The following PRR5L variants were observed in gnomAD, a reference collection of about 807,000 sequenced individuals.
PRR5L encodes the protein proline rich 5 like, also known as proline-rich protein 5-like.
PRR5L carries 21 observed loss-of-function variants against 36.4 expected under a neutral mutation model. The ratio of observed to expected loss-of-function variants is 0.58; its 90% CI spans 0.41 to 0.83. The LOEUF (loss-of-function observed/expected upper bound fraction) is 0.83. PRR5L is among the 40% of genes least tolerant of loss of function. The pLI is 0.00. For missense variants in PRR5L, 381 were observed against 473.3 expected (o/e 0.80, Z 1.81); for synonymous variants, 188 against 197.0 (o/e 0.95, Z 0.38).
At chr11:36,353,532 T>A (rs1220927796) in intron 1 of PRR5L, among the ~76,000 whole-genome samples, 2 of 152,194 alleles carry the variant, frequency 1.3e-5, no homozygotes, top group Non-Finnish European at 2.9e-5. Flanking sequence ...ACGGGTTGGA[T>A]TCTAGAGCAG....
chr11:36,371,385 G>T (rs1330999035), intron 1 of PRR5L, among the ~76,000 whole-genome samples: 1 of 152,150 alleles, frequency 6.6e-6, no homozygotes, highest in Non-Finnish European at 1.5e-5. Flanking sequence ...GTGCTGTGGT[G>T]GTATATTGAG....
At chr11:36,450,716 G>A (rs1270022585) in intron 7 of PRR5L, among the ~76,000 whole-genome samples, 1 of 152,192 alleles carries the variant, frequency 6.6e-6, no homozygotes, top group African/African-American at 2.4e-5. Context: ...TTCCAGTTCA[G>A]GGTTTTTGCC....
rs76512914 is a variant in PRR5L at position 36,451,500 on chromosome 11, A to G, written c.712+165A>G. Among the ~76,000 whole-genome samples, 544 of 152,304 alleles carry G rather than the reference A, an allele frequency of 3.6e-3. 10 individuals are homozygous for G. In the East Asian group the frequency reaches 0.039, roughly 11 times the overall value. On this transcript the variant is annotated intron_variant, in intron 8 of 8. Coordinates refer to ENST00000530639, the MANE Select transcript of PRR5L (RefSeq NM_001160167.2). ...GCAAATCCGTGCATCTTAAGCACTCACATTCCTGGCCTCTGGAGGTTGCAG... is the reference window on the plus strand; with the variant it reads ...GCAAATCCGTGCATCTTAAGCACTCGCATTCCTGGCCTCTGGAGGTTGCAG...
chr11:36,431,772 G>T, intron 4 of PRR5L, 81 bp from the exon 5 acceptor site: 1 of 1,288,350 alleles, frequency 7.8e-7, no homozygotes, highest in Non-Finnish European at 1.1e-6. Flanking sequence ...CTGTGCCCTT[G>T]CCCACTGGAA....
At chr11:36,416,809 G>A (rs371333883) in intron 3 of PRR5L, among the ~76,000 whole-genome samples, 58 of 111,310 alleles carry the variant, frequency 5.2e-4, no homozygotes, top group Admixed American at 2.2e-3. Flanking sequence ...AAGCCCCTTC[G>A]TGCCCTCCCT....
chr11:36,376,818 G>A (rs1262658102), intron 1 of PRR5L: 5 of 796,676 alleles, frequency 6.3e-6, no homozygotes, highest in Non-Finnish European at 7.6e-6. Context: ...GGCGTGGCGG[G>A]GGTAGGAGCT....
chr11:36,461,575 A>G (rs1331266638), intron 8 of PRR5L, among the ~76,000 whole-genome samples: 1 of 152,052 alleles, frequency 6.6e-6, no homozygotes, highest in Non-Finnish European at 1.5e-5. Context: ...GTGAGCTGAG[A>G]TCACACCACT....
At chr11:36,341,822 G>C (rs77239556) in intron 1 of PRR5L, among the ~76,000 whole-genome samples, 3,671 of 152,296 alleles carry the variant, frequency 0.024, 147 homozygotes, top group African/African-American at 0.084. Flanking sequence ...TGAGATGTCA[G>C]GTGGGCTTTG....
chr11:36,453,131 A>C (rs917261351), intron 8 of PRR5L, among the ~76,000 whole-genome samples: 22 of 152,204 alleles, frequency 1.4e-4, no homozygotes, highest in African/African-American at 4.6e-4. Context: ...CTGGCTGATA[A>C]GGGTCTAAAA....
intron 4 of PRR5L, among the ~76,000 whole-genome samples, chr11:36,421,059 G>A (rs540274451): frequency 1.1e-4 from 16 of 152,296 alleles, no homozygotes; most frequent in Non-Finnish European, 1.8e-4. Flanking sequence ...TCAAAGGTCA[G>A]TCTTGGCCTC....
intron 1 of PRR5L, chr11:36,379,593 A>G (rs1166417199): frequency 6.6e-6 from 1 of 152,230 alleles, no homozygotes; most frequent in East Asian, 1.9e-4. Flanking sequence ...AAATATAGGA[A>G]TAAAATATTT....
chr11:36,311,697 GGCTTT>G (rs1856504899), intron 1 of PRR5L, among the ~76,000 whole-genome samples: 1 of 152,098 alleles, frequency 6.6e-6, no homozygotes, highest in Non-Finnish European at 1.5e-5. Context: ...TTCACACAGG[GGCTTT>G]TGCTGAATGT....
chr11:36,351,675 T>TTATATAAA (rs1856972023), intron 1 of PRR5L, among the ~76,000 whole-genome samples: 9 of 1,556 alleles, frequency 5.8e-3, no homozygotes, highest in Admixed American at 0.021. Context: ...ATTTATATAC[T>TTATATAAA]TATATATTTA....
At chr11:36,432,811 T>C (rs1858529080) in intron 5 of PRR5L, among the ~76,000 whole-genome samples, 1 of 152,150 alleles carries the variant, frequency 6.6e-6, no homozygotes, top group Admixed American at 6.5e-5. Context: ...CATCCTTTTG[T>C]TTCTTCCCAT....
Position 36,310,995 on chromosome 11 carries a change from C to CAAAAA in PRR5L, c.-126+14574_-126+14578dup, listed in dbSNP as rs59947428. Among the ~76,000 whole-genome samples the CAAAAA allele has an allele frequency of 3.5e-3, 308 of 88,314 alleles. 7 individuals carry two copies. The highest frequency in any genetic ancestry group is 0.014 in the African/African-American group (293 of 20,420). The allele number at this position is 88,314 out of a possible 152,430, so 57.9% of individuals were successfully genotyped here. On this transcript the variant is annotated intron_variant, in intron 1 of 8. Transcript: ENST00000530639. ...TGGTGACAGAGTGAGACTCCGTCTC[C>CAAAAA]AAAAAAAAAAAAAAAAAAAAAGAAT... is the stretch of plus-strand genomic sequence containing the variant.
At chr11:36,408,663 T>C (rs1342080928) in intron 3 of PRR5L, among the ~76,000 whole-genome samples, 2 of 152,162 alleles carry the variant, frequency 1.3e-5, no homozygotes, top group Admixed American at 1.3e-4. Context: ...AGGAAAAGTC[T>C]GGGTTAGAGG....
At chr11:36,442,329 T>C (rs1441142880) in intron 6 of PRR5L, among the ~76,000 whole-genome samples, 1 of 146,504 alleles carries the variant, frequency 6.8e-6, no homozygotes, top group Non-Finnish European at 1.5e-5. Context: ...ACATCTTGAA[T>C]GCTTTGTTTC....
chr11:36,413,027 C>T (rs906442069), intron 3 of PRR5L, among the ~76,000 whole-genome samples: 6 of 152,148 alleles, frequency 3.9e-5, no homozygotes, highest in African/African-American at 1.4e-4. Context: ...TGTATCGGAA[C>T]AGAGGTGTGG....
intron 6 of PRR5L, among the ~76,000 whole-genome samples, chr11:36,437,780 G>A (rs1352665520): frequency 6.6e-6 from 1 of 152,126 alleles, no homozygotes; most frequent in Admixed American, 6.5e-5. Flanking sequence ...AGAAGATGGG[G>A]GAAGGGAGAT....
Sources: gnomAD v4.1 joint callset for allele counts (sites outside exome capture counted in the v4.1 genomes callset) on GRCh38, gnomAD v4.1.1 for gene constraint, MANE v1.5 for transcripts, NCBI Gene and HGNC (gene_info 2026-07-23, HGNC 2026-07-21) for gene names.